The following NXPE2 variants were observed in gnomAD, a reference collection of about 807,000 sequenced individuals.
The protein encoded by NXPE2 is NXPE family member 2.
Under a neutral mutation model 34.4 loss-of-function variants are expected in NXPE2, and 34 were observed. The observed-to-expected ratio is 0.99, with a 90% confidence interval of 0.75 to 1.31. The LOEUF (loss-of-function observed/expected upper bound fraction) is 1.31. Among genes scored for constraint, NXPE2 ranks in the 40% most tolerant of loss-of-function variants. The pLI, the probability that NXPE2 is intolerant of heterozygous loss-of-function variation, is 0.00. For synonymous variants in NXPE2, 235 were observed against 231.3 expected (o/e 1.02, Z -0.15); for missense variants, 649 against 672.5 (o/e 0.97, Z 0.39).
At chr11:114,645,019 AGGCCG>A in the NXPE2 span, among the ~76,000 whole-genome samples, 38 of 151,906 alleles carry the variant, frequency 2.5e-4, no homozygotes, top group South Asian at 7.9e-3. Flanking sequence ...AAAAAAAAAC[AGGCCG>A]GGCATAGTGT....
the NXPE2 span, among the ~76,000 whole-genome samples, chr11:114,646,992 G>A: frequency 6.6e-6 from 1 of 152,204 alleles, no homozygotes; most frequent in African/African-American, 2.4e-5. Context: ...CCTGAAAGGA[G>A]AAGAGACACT....
the NXPE2 span, among the ~76,000 whole-genome samples, chr11:114,618,221 C>T: frequency 7.9e-5 from 12 of 151,872 alleles, no homozygotes; most frequent in East Asian, 5.8e-4. Context: ...CACTGTTACC[C>T]GGAGGATAAT....
the NXPE2 span, among the ~76,000 whole-genome samples, chr11:114,760,711 C>T: frequency 6.6e-6 from 1 of 152,064 alleles, no homozygotes; most frequent in Non-Finnish European, 1.5e-5. Flanking sequence ...AGACTTTTCC[C>T]ACTCCTTCTC....
chr11:114,627,088 A>G, the NXPE2 span, among the ~76,000 whole-genome samples: 1 of 152,084 alleles, frequency 6.6e-6, no homozygotes, highest in Non-Finnish European at 1.5e-5. Context: ...AAGTTGGAAA[A>G]CACTCTGCAG....
the NXPE2 span, among the ~76,000 whole-genome samples, chr11:114,531,529 G>A: frequency 6.6e-6 from 1 of 152,132 alleles, no homozygotes; most frequent in African/African-American, 2.4e-5. Context: ...AACTCTATTT[G>A]TGTCATCTCC....
At chr11:114,543,001 T>G in the NXPE2 span, among the ~76,000 whole-genome samples, 1 of 152,158 alleles carries the variant, frequency 6.6e-6, no homozygotes, top group South Asian at 2.1e-4. Flanking sequence ...ATGCCTATAA[T>G]CCCAGCACTT....
chr11:114,564,726 A>G, the NXPE2 span, among the ~76,000 whole-genome samples: 1 of 152,104 alleles, frequency 6.6e-6, no homozygotes, highest in Non-Finnish European at 1.5e-5. Flanking sequence ...TTTCCATAAA[A>G]AAGGAACAGC....
At chr11:114,617,722 C>A in the NXPE2 span, among the ~76,000 whole-genome samples, 1 of 147,752 alleles carries the variant, frequency 6.8e-6, no homozygotes, top group Non-Finnish European at 1.5e-5. Flanking sequence ...TTACCCAATG[C>A]GTAATAAGTA....
At chr11:114,661,562 G>A in the NXPE2 span, among the ~76,000 whole-genome samples, 2 of 152,150 alleles carry the variant, frequency 1.3e-5, no homozygotes, top group South Asian at 4.1e-4. Flanking sequence ...GTACCATTTG[G>A]GTTGCTAAGT....
At chr11:114,634,202 T>A in the NXPE2 span, among the ~76,000 whole-genome samples, 3 of 151,996 alleles carry the variant, frequency 2.0e-5, no homozygotes, top group African/African-American at 7.2e-5. Context: ...TTTGCATTTC[T>A]CTGATGGCCA....
chr11:114,793,400 C>T, the NXPE2 span, among the ~76,000 whole-genome samples: 1 of 152,028 alleles, frequency 6.6e-6, no homozygotes, highest in African/African-American at 2.4e-5. Flanking sequence ...CCCTTGTCCA[C>T]AAGTTAAAAA....
intron 2 of NXPE2, among the ~76,000 whole-genome samples, chr11:114,685,132 A>G (rs1951022639): frequency 6.6e-6 from 1 of 152,180 alleles, no homozygotes; most frequent in South Asian, 2.1e-4. Flanking sequence ...CTGAAAAAAT[A>G]TATATCCCTT....
chr11:114,661,909 G>T, the NXPE2 span, among the ~76,000 whole-genome samples: 18 of 152,222 alleles, frequency 1.2e-4, no homozygotes, highest in Admixed American at 9.8e-4. Context: ...AGGTGCAAAG[G>T]CAATTCAATG....
chr11:114,482,062 C>G, the NXPE2 span, among the ~76,000 whole-genome samples: 1 of 151,970 alleles, frequency 6.6e-6, no homozygotes, highest in Non-Finnish European at 1.5e-5. Flanking sequence ...TGGATTAAAG[C>G]CTCTCTCATT....
chr11:114,473,815 C>T, the NXPE2 span, among the ~76,000 whole-genome samples: 6 of 152,174 alleles, frequency 3.9e-5, no homozygotes, highest in African/African-American at 1.4e-4. Flanking sequence ...AGTCCTGCTG[C>T]AGATTAATTC....
At chr11:114,525,831 G>A in the NXPE2 span, among the ~76,000 whole-genome samples, 1 of 152,198 alleles carries the variant, frequency 6.6e-6, no homozygotes, top group African/African-American at 2.4e-5. Context: ...GTCAAGCCCT[G>A]TCTTTGTTCG....
At chr11:114,687,899 T>C (rs972771595) in intron 2 of NXPE2, among the ~76,000 whole-genome samples, 3 of 151,930 alleles carry the variant, frequency 2.0e-5, no homozygotes, top group Non-Finnish European at 2.9e-5. Context: ...TTGAACATTA[T>C]TGGTTTATAA....
chr11:114,611,392 C>T, the NXPE2 span, among the ~76,000 whole-genome samples: 1 of 151,816 alleles, frequency 6.6e-6, no homozygotes, highest in African/African-American at 2.4e-5. Flanking sequence ...CGTGGGTAAC[C>T]ACTGTTTCCC....
the NXPE2 span, among the ~76,000 whole-genome samples, chr11:114,569,829 G>T: frequency 2.0e-5 from 3 of 152,118 alleles, no homozygotes; most frequent in Admixed American, 1.3e-4. Flanking sequence ...CTGCTGCAAA[G>T]TGTGACCCCT....
Sources: gnomAD v4.1 joint callset for allele counts (sites outside exome capture counted in the v4.1 genomes callset) on GRCh38, gnomAD v4.1.1 for gene constraint, MANE v1.5 for transcripts, NCBI Gene and HGNC (gene_info 2026-07-23, HGNC 2026-07-21) for gene names.